Variants in TRPS1 observed in about 807,000 individuals in gnomAD.
The protein encoded by TRPS1 is zinc finger transcription factor Trps1.
In TRPS1, 6 loss-of-function variants were observed where a neutral mutation model predicts 101.2. The observed-to-expected ratio is 0.06, with a 90% CI of 0.03 to 0.12. The LOEUF (loss-of-function observed/expected upper bound fraction) is 0.12. Ranked by LOEUF, TRPS1 falls within the 10% of genes least tolerant of loss-of-function variation. TRPS1 has a pLI of 1.00. For synonymous variants in TRPS1, 578 were observed against 589.8 expected (o/e 0.98, Z 0.29); for missense variants, 1,363 against 1,567.0 (o/e 0.87, Z 2.20).
intron 5 of TRPS1, among the ~76,000 whole-genome samples, chr8:115,488,527 T>A (rs975353929): frequency 6.6e-6 from 1 of 152,042 alleles, no homozygotes; most frequent in African/African-American, 2.4e-5. Flanking sequence ...CCCAAAAAAT[T>A]AGCTGGGCGT....
intron 2 of TRPS1, among the ~76,000 whole-genome samples, chr8:115,623,336 T>C (rs750288629): frequency 6.6e-6 from 1 of 152,172 alleles, no homozygotes; most frequent in Non-Finnish European, 1.5e-5. Context: ...TAGTTGACTA[T>C]ACTTTGAAGT....
At chr8:115,459,793 A>T (rs1208095932) in intron 5 of TRPS1, among the ~76,000 whole-genome samples, 3 of 152,226 alleles carry the variant, frequency 2.0e-5, no homozygotes, top group African/African-American at 7.2e-5. Context: ...CACTGAAGTT[A>T]TCCACATGTC....
At chr8:115,515,446 G>A (rs1815686133) in intron 5 of TRPS1, among the ~76,000 whole-genome samples, 1 of 151,448 alleles carries the variant, frequency 6.6e-6, no homozygotes. Flanking sequence ...AATGTCATTA[G>A]TTTGGCATGT....
chr8:115,518,298 C>T (rs1220738943), intron 5 of TRPS1, among the ~76,000 whole-genome samples: 1 of 151,722 alleles, frequency 6.6e-6, no homozygotes, highest in Admixed American at 6.6e-5. Flanking sequence ...ATAAAAAATA[C>T]ACTTTTATTA....
chr8:115,489,367 T>C (rs1479935698), intron 5 of TRPS1, among the ~76,000 whole-genome samples: 1 of 152,210 alleles, frequency 6.6e-6, no homozygotes, highest in Non-Finnish European at 1.5e-5. Context: ...AATAGTGTTG[T>C]TACTGTTTTC....
intron 5 of TRPS1, among the ~76,000 whole-genome samples, chr8:115,551,448 A>G (rs3808439): frequency 0.69 from 104,601 of 152,104 alleles, 37,535 homozygotes; most frequent in African/African-American, 0.89. Context: ...CAATGCTTGT[A>G]TACTGTATGT....
chr8:115,530,535 G>C (rs1306032969), intron 5 of TRPS1, among the ~76,000 whole-genome samples: 1 of 152,106 alleles, frequency 6.6e-6, no homozygotes, highest in African/African-American at 2.4e-5. Flanking sequence ...TGAAAACATG[G>C]AGTAACACTA....
At chr8:115,640,205 G>A (rs947173751) in intron 1 of TRPS1, among the ~76,000 whole-genome samples, 3 of 152,158 alleles carry the variant, frequency 2.0e-5, no homozygotes, top group Middle Eastern at 6.8e-3. Flanking sequence ...GAAATTCCTC[G>A]TGATGGATTA....
chr8:115,412,796 T>C lies in TRPS1; in HGVS notation c.*1227A>G, dbSNP rs922389757. On this transcript the variant is annotated 3_prime_UTR_variant, in exon 7 of 7. Transcript: ENST00000395715. ...TTAGCCCTATTTCCCTGAGCAGTTA[T>C]GCTGAGGAGCTTTCCCTTCATGGAT... 2.6e-5 allele frequency: 4 copies of C among 152,570 alleles called. No homozygotes were observed. The highest frequency in any genetic ancestry group is 5.9e-5 in the Non-Finnish European group (4 of 68,012). The allele number at this position is 152,570 out of a possible 1,614,324, so 9.5% of individuals were successfully genotyped here.
At chr8:115,597,866 T>C (rs889454204) in intron 4 of TRPS1, among the ~76,000 whole-genome samples, 7 of 152,156 alleles carry the variant, frequency 4.6e-5, no homozygotes, top group Non-Finnish European at 8.8e-5. Flanking sequence ...TAAAGATACC[T>C]CAATTTTCCT....
At chr8:115,511,868 T>A (rs1478629099) in intron 5 of TRPS1, among the ~76,000 whole-genome samples, 1 of 151,826 alleles carries the variant, frequency 6.6e-6, no homozygotes, top group African/African-American at 2.4e-5. Flanking sequence ...ACTCTAAAAT[T>A]TAAAACTTTT....
At chr8:115,667,660 A>G (rs985777481) in intron 1 of TRPS1, among the ~76,000 whole-genome samples, 1 of 152,224 alleles carries the variant, frequency 6.6e-6, no homozygotes, top group Non-Finnish European at 1.5e-5. Flanking sequence ...CGCTCGGCCA[A>G]GCTGTCCTGA....
Position 115,410,032 on chromosome 8 carries a change from T to C in TRPS1, c.*3991A>G, listed in dbSNP as rs1379496331. On this transcript the variant is annotated 3_prime_UTR_variant, in exon 7 of 7. Coordinates refer to ENST00000395715, the MANE Select transcript of TRPS1 (RefSeq NM_014112.5). The stretch of plus-strand genomic sequence containing the variant: ...CACAGAAGCAGACCACCAGCTTCTT[T>C]ACTCCACATTTCCACCACTGGATGG... 1 of 152,216 alleles carries C rather than the reference T, an allele frequency of 6.6e-6. No homozygotes were observed. Among genetic ancestry groups the C allele is most frequent in the African/African-American group, 2.4e-5 (1 of 41,396 alleles). 9.4% of individuals were successfully genotyped at this position (152,216 alleles called of 1,614,324 possible).
rs764366814 is a variant in TRPS1, at chr8:115,414,237, T to C, written c.3671A>G (p.Asp1224Gly). ...GTGCACACATTTTGTTGAAAGTTCA[T>C]CTTGAGTACTTCTATCAACTTTCTC... ...KTEKVDRSTQDELSTKCVHCG... is the reference protein window; with the variant it reads ...KTEKVDRSTQGELSTKCVHCG... The change falls in exon 7 of 7, where the codon GAT becomes GGT. Residue 1224 changes from aspartate (D) to glycine (G), a missense_variant. By Grantham distance (94) the Asp-to-Gly change is moderately conservative. Transcript: ENST00000395715. This position sits in a 1 kb window ranked among gnomAD's most constrained non-coding sequence, Gnocchi z 4.8. 33 of 1,613,862 alleles carry C rather than the reference T, an allele frequency of 2.0e-5. No homozygotes were observed. The highest frequency in any genetic ancestry group is 2.8e-5 in the Non-Finnish European group (33 of 1,179,938).
At chr8:115,640,744 C>A (rs1006704286) in intron 1 of TRPS1, among the ~76,000 whole-genome samples, 1 of 152,152 alleles carries the variant, frequency 6.6e-6, no homozygotes, top group East Asian at 1.9e-4. Context: ...TGTTGAAGGG[C>A]GTAGTCTATG....
At chr8:115,498,042 G>C (rs943331902) in intron 5 of TRPS1, among the ~76,000 whole-genome samples, 1 of 152,106 alleles carries the variant, frequency 6.6e-6, no homozygotes, top group Non-Finnish European at 1.5e-5. Flanking sequence ...AATATAGGCA[G>C]AACAATGGGC....
At chr8:115,426,433 TAG>T (rs1247899270) in intron 5 of TRPS1, among the ~76,000 whole-genome samples, 1 of 152,144 alleles carries the variant, frequency 6.6e-6, no homozygotes, top group Non-Finnish European at 1.5e-5. Context: ...GGCATTTAAT[TAG>T]AGAGTCAGAT....
intron 5 of TRPS1, among the ~76,000 whole-genome samples, chr8:115,584,812 G>A (rs2272619): frequency 0.29 from 44,095 of 151,736 alleles, 7,505 homozygotes; most frequent in East Asian, 0.48. Flanking sequence ...TGTACACATT[G>A]AAAATTTCAT....
chr8:115,569,214 A>C (rs1817143693), intron 5 of TRPS1, among the ~76,000 whole-genome samples: 1 of 152,086 alleles, frequency 6.6e-6, no homozygotes, highest in Admixed American at 6.6e-5. Context: ...CAATCCTGGC[A>C]GGCAATAAAT....
Sources: gnomAD v4.1 joint callset for allele counts (sites outside exome capture counted in the v4.1 genomes callset) on GRCh38, gnomAD v4.1.1 for gene constraint, Gnocchi (gnomAD v3.1) non-coding constraint, MANE v1.5 for transcripts, NCBI Gene and HGNC (gene_info 2026-07-23, HGNC 2026-07-21) for gene names.